The following ANKH variants were observed in gnomAD, a reference collection of about 807,000 sequenced individuals.
ANKH encodes the protein mineralization regulator ANKH.
Under a neutral mutation model 49.0 loss-of-function variants are expected in ANKH, and 15 were observed. That is an observed-to-expected ratio of 0.31 (90% CI 0.20 to 0.47). The LOEUF (loss-of-function observed/expected upper bound fraction) is 0.47. Among genes scored for constraint, ANKH ranks in the 20% least tolerant of loss-of-function variants. ANKH has a pLI of 1.00. For missense variants in ANKH, 429 were observed against 652.0 expected (o/e 0.66, Z 3.72); for synonymous variants, 273 against 260.0 (o/e 1.05, Z -0.48).
chr5:14,839,390 C>A (rs577387683), intron 1 of ANKH, among the ~76,000 whole-genome samples: 1 of 151,956 alleles, frequency 6.6e-6, no homozygotes, highest in African/African-American at 2.4e-5. Context: ...CAGACACACA[C>A]GCACAGACAG....
chr5:14,747,116 T>C (rs72732799), intron 6 of ANKH, among the ~76,000 whole-genome samples: 19,106 of 152,172 alleles, frequency 0.13, 1,575 homozygotes, highest in Non-Finnish European at 0.19. Flanking sequence ...ATGCTGACAT[T>C]TTGCGTGGTT....
At chr5:14,723,611 C>A (rs993691008) in intron 8 of ANKH, among the ~76,000 whole-genome samples, 1 of 152,030 alleles carries the variant, frequency 6.6e-6, no homozygotes, top group Non-Finnish European at 1.5e-5. Context: ...TGTACTCCAG[C>A]CTGAGTGACA....
chr5:14,710,485 C>G lies in ANKH; in HGVS notation c.*712G>C, dbSNP rs370243294. ...CAGCTTGCTCAGATCTAGGAGAACG[C>G]AGAGTGAAATGCTATCATTCAACCA... On this transcript the variant is annotated 3_prime_UTR_variant, in exon 12 of 12. Coordinates refer to ENST00000284268, the MANE Select transcript of ANKH (RefSeq NM_054027.6). The G allele has an allele frequency of 1.5e-3, 234 of 153,508 alleles. 8 individuals are homozygous for G. The South Asian group carries it at 0.047, about 31-fold the overall frequency. 9.5% of individuals were successfully genotyped at this position (153,508 alleles called of 1,614,324 possible). A position where few individuals can be genotyped will look rare whatever the true frequency, so the allele number is the denominator to read the frequency against.
chr5:14,797,253 T>C, intron 1 of ANKH: 1 of 1,401,782 alleles, frequency 7.1e-7, no homozygotes, highest in Non-Finnish European at 1.0e-6. Flanking sequence ...TTCACTGGGA[T>C]TCCAGGAGAA....
chr5:14,866,806 A>G (rs1406429202), intron 1 of ANKH, among the ~76,000 whole-genome samples: 2 of 152,176 alleles, frequency 1.3e-5, no homozygotes, highest in Non-Finnish European at 2.9e-5. Context: ...TCTTAAAATG[A>G]ACTTCTTGGT....
intron 9 of ANKH, among the ~76,000 whole-genome samples, chr5:14,714,112 G>A (rs1317923069): frequency 6.6e-6 from 1 of 152,254 alleles, no homozygotes; most frequent in Non-Finnish European, 1.5e-5. Flanking sequence ...AGAGGTGTGG[G>A]GACCAAGCAG....
chr5:14,716,895 A>G, intron 8 of ANKH, 60 bp from the exon 9 acceptor site: 1 of 1,599,684 alleles, frequency 6.3e-7, no homozygotes, highest in Non-Finnish European at 8.5e-7. Flanking sequence ...TGAAATGAGC[A>G]GATCAGGTGT....
intron 1 of ANKH, among the ~76,000 whole-genome samples, chr5:14,858,726 TAAA>T (rs1735378924): frequency 1.1e-5 from 1 of 93,202 alleles, no homozygotes; most frequent in African/African-American, 4.3e-5. Flanking sequence ...AATAAATAAA[TAAA>T]TAAATAAATA....
intron 8 of ANKH, among the ~76,000 whole-genome samples, chr5:14,720,814 T>C (rs560272855): frequency 1.3e-5 from 2 of 152,330 alleles, no homozygotes; most frequent in Non-Finnish European, 2.9e-5. Flanking sequence ...CTCACACAAA[T>C]GTTGCAATTC....
At chr5:14,796,102 CT>C (rs1740365279) in intron 1 of ANKH, among the ~76,000 whole-genome samples, 1 of 151,600 alleles carries the variant, frequency 6.6e-6, no homozygotes, top group Non-Finnish European at 1.5e-5. Context: ...GTATCTGTGC[CT>C]TTTGGGTACA....
In ANKH at chr5:14,851,965, A is replaced by G. The variant is rs369514863; in HGVS notation, c.96+19387T>C. On this transcript the variant is annotated intron_variant, in intron 1 of 11. Transcript: ENST00000284268. The stretch of plus-strand genomic sequence containing the variant: ...TTTTAAAATTTTATCCTCACTAGAA[A>G]ACATAGCTATAACACACTTAAAAAT... Among the ~76,000 whole-genome samples, 56 of 152,366 alleles carry G rather than the reference A, an allele frequency of 3.7e-4. No homozygotes were observed. In the East Asian group the frequency reaches 8.1e-3, roughly 22 times the overall value.
chr5:14,778,030 A>G (rs1167724818), intron 1 of ANKH, among the ~76,000 whole-genome samples: 1 of 152,108 alleles, frequency 6.6e-6, no homozygotes. Context: ...TGCCTCTGCC[A>G]CTTGTGTTAC....
chr5:14,755,780 A>C, intron 4 of ANKH, 81 bp downstream of exon 4: 1 of 1,317,368 alleles, frequency 7.6e-7, no homozygotes. Flanking sequence ...CTGCACAGTG[A>C]ATGAATATAA....
At chr5:14,793,338 G>A (rs1167464166) in intron 1 of ANKH, among the ~76,000 whole-genome samples, 2 of 151,662 alleles carry the variant, frequency 1.3e-5, no homozygotes, top group Non-Finnish European at 2.9e-5. Flanking sequence ...CTGCCACTCA[G>A]TCATAGCCAA....
intron 1 of ANKH, among the ~76,000 whole-genome samples, chr5:14,802,814 C>G (rs549287362): frequency 6.6e-6 from 1 of 152,264 alleles, no homozygotes; most frequent in South Asian, 2.1e-4. Flanking sequence ...TCCCCACCCC[C>G]GTTCCTTCTC....
At chr5:14,773,039 G>A (rs965326871) in intron 1 of ANKH, among the ~76,000 whole-genome samples, 1 of 152,178 alleles carries the variant, frequency 6.6e-6, no homozygotes, top group Non-Finnish European at 1.5e-5. Context: ...AGTCTCCAGT[G>A]GGGACCACAT....
At chr5:14,835,886 G>A (rs866349113) in intron 1 of ANKH, among the ~76,000 whole-genome samples, 6 of 152,202 alleles carry the variant, frequency 3.9e-5, no homozygotes, top group Admixed American at 2.6e-4. Context: ...CTGGCAAATC[G>A]AATCCAGCAG....
intron 8 of ANKH, among the ~76,000 whole-genome samples, chr5:14,732,587 C>A (rs1738040400): frequency 6.6e-6 from 1 of 152,084 alleles, no homozygotes; most frequent in Non-Finnish European, 1.5e-5. Context: ...TGTTAGGGAC[C>A]ACTGAGTGTC....
At chr5:14,843,614 A>G (rs977267710) in intron 1 of ANKH, among the ~76,000 whole-genome samples, 1 of 151,228 alleles carries the variant, frequency 6.6e-6, no homozygotes, top group Non-Finnish European at 1.5e-5. Flanking sequence ...GGCAATGCCA[A>G]AACCAGGGCA....
Sources: allele counts gnomAD v4.1 joint callset (sites outside exome capture counted in the v4.1 genomes callset), GRCh38; gene constraint gnomAD v4.1.1; transcripts MANE v1.5; gene names NCBI Gene and HGNC (gene_info 2026-07-23, HGNC 2026-07-21).